Variants in CFDP1 observed in about 807,000 individuals in gnomAD.
CFDP1 encodes the protein heterochromatin-stabilizing protein CFDP1.
CFDP1 carries 31 observed loss-of-function variants against 40.1 expected under a neutral mutation model. The observed-to-expected ratio is 0.77, with a 90% CI of 0.58 to 1.04. The LOEUF is 1.04. Among genes scored for constraint, CFDP1 ranks in the 50% least tolerant of loss-of-function variants. The pLI, the probability that CFDP1 is intolerant of heterozygous loss-of-function variation, is 0.00. For missense variants in CFDP1, 423 were observed against 343.4 expected (o/e 1.23, Z -1.83); for synonymous variants, 167 against 120.0 (o/e 1.39, Z -2.56).
intron 5 of CFDP1, among the ~76,000 whole-genome samples, chr16:75,360,008 G>T (rs1196600879): frequency 2.0e-5 from 3 of 152,140 alleles, no homozygotes; most frequent in African/African-American, 7.2e-5. Flanking sequence ...GGGCTCAGAT[G>T]ATCCTCCTGC....
chr16:75,411,883 T>C lies in CFDP1; in HGVS notation c.472A>G (p.Lys158Glu). The change falls in exon 4 of 7, where the codon AAA becomes GAA. Residue 158 changes from lysine (K) to glutamate (E), a missense_variant. Coordinates refer to ENST00000283882, the MANE Select transcript of CFDP1 (RefSeq NM_006324.3). ...GTGATTTTAACTTTTTCTGTTTCTT[T>C]AGGTTTCTCTAGCTCTTCTGCTTTT... ...LVKAEELEKP[K>E]ETEKVKITKV... is the part of the protein sequence containing the mutation. 6.2e-7 allele frequency: 1 copy of C among 1,612,910 alleles called. No homozygotes were observed. Among genetic ancestry groups the C allele is most frequent in the Non-Finnish European group, 8.5e-7 (1 of 1,179,664 alleles).
chr16:75,343,435 AG>A (rs1369659935), intron 5 of CFDP1, among the ~76,000 whole-genome samples: 1 of 152,160 alleles, frequency 6.6e-6, no homozygotes. Flanking sequence ...ATTTTTTTCC[AG>A]CAAAAAAGGT....
At chr16:75,330,770 T>C (rs1397579491) in intron 5 of CFDP1, among the ~76,000 whole-genome samples, 2 of 152,178 alleles carry the variant, frequency 1.3e-5, no homozygotes, top group African/African-American at 4.8e-5. Flanking sequence ...GGTAATTCTG[T>C]ATGCTAAGTA....
At chr16:75,424,518 G>T (rs1189807220) in intron 1 of CFDP1, among the ~76,000 whole-genome samples, 1 of 152,210 alleles carries the variant, frequency 6.6e-6, no homozygotes, top group Admixed American at 6.5e-5. Flanking sequence ...CACTTTGGGA[G>T]GCTGAGGCGG....
At chr16:75,426,306 T>C (rs150580744) in intron 1 of CFDP1, among the ~76,000 whole-genome samples, 162 of 152,010 alleles carry the variant, frequency 1.1e-3, no homozygotes, top group African/African-American at 3.7e-3. Flanking sequence ...GCCAAGATCA[T>C]GACATTGCAC....
intron 1 of CFDP1, among the ~76,000 whole-genome samples, chr16:75,418,374 C>T (rs1462915757): frequency 1.4e-5 from 2 of 144,296 alleles, no homozygotes; most frequent in African/African-American, 2.6e-5. Context: ...GGCACGATCT[C>T]GGCTCACTGC....
chr16:75,369,135 A>G (rs573278997), intron 5 of CFDP1, among the ~76,000 whole-genome samples: 2 of 152,340 alleles, frequency 1.3e-5, no homozygotes, highest in South Asian at 2.1e-4. Context: ...GAGTTGCTCA[A>G]AAGTCCAAAG....
chr16:75,361,725 G>A (rs566104715), intron 5 of CFDP1, among the ~76,000 whole-genome samples: 5 of 152,242 alleles, frequency 3.3e-5, no homozygotes, highest in Admixed American at 2.0e-4. Context: ...CAATAGAACT[G>A]TCAAAAGGCA....
chr16:75,297,146 T>TGTGTGTGTG (rs1491503380), intron 6 of CFDP1, among the ~76,000 whole-genome samples: 7,329 of 132,794 alleles, frequency 0.055, 725 homozygotes, highest in Middle Eastern at 0.076. Context: ...TTCCCATTTC[T>TGTGTGTGTG]TGTGTGTGTG....
intron 5 of CFDP1, among the ~76,000 whole-genome samples, chr16:75,355,894 C>T (rs1028206866): frequency 8.5e-5 from 13 of 152,202 alleles, no homozygotes; most frequent in African/African-American, 3.1e-4. Context: ...TACCCAGTCT[C>T]GGCTATTTCT....
At chr16:75,401,074 TAG>T (rs1257635649) in intron 4 of CFDP1, among the ~76,000 whole-genome samples, 15 of 152,148 alleles carry the variant, frequency 9.9e-5, no homozygotes, top group African/African-American at 3.6e-4. Flanking sequence ...GGTGGGCAGA[TAG>T]TGAGGTCAGG....
At chr16:75,334,296 C>A (rs1020332034) in intron 5 of CFDP1, among the ~76,000 whole-genome samples, 1 of 151,774 alleles carries the variant, frequency 6.6e-6, no homozygotes, top group African/African-American at 2.4e-5. Context: ...TTAATCCCAA[C>A]AAAACCCTTT....
chr16:75,351,995 G>T, intron 5 of CFDP1, among the ~76,000 whole-genome samples: 1 of 118,288 alleles, frequency 8.5e-6, no homozygotes, highest in Non-Finnish European at 1.7e-5. Flanking sequence ...GCGACAGACT[G>T]AGACTCTGTC....
intron 4 of CFDP1, among the ~76,000 whole-genome samples, chr16:75,406,093 G>C (rs1444615464): frequency 6.6e-6 from 1 of 151,808 alleles, no homozygotes; most frequent in Non-Finnish European, 1.5e-5. Context: ...AAATAAAATA[G>C]GCCAGGTGCA....
At chr16:75,410,907 T>TC (rs1229114836) in intron 4 of CFDP1, among the ~76,000 whole-genome samples, 1 of 64,732 alleles carries the variant, frequency 1.5e-5, no homozygotes, top group Non-Finnish European at 2.9e-5. Flanking sequence ...AGACTCTGTC[T>TC]CAAAAAAAAA....
chr16:75,414,447 C>T (rs1394739645), intron 2 of CFDP1, 131 bp downstream of exon 2: 1 of 652,778 alleles, frequency 1.5e-6, no homozygotes, highest in Non-Finnish European at 2.8e-6. Context: ...AAAATAACAG[C>T]AAATGTTTCC....
chr16:75,415,106 T>C (rs2079192751), intron 1 of CFDP1, among the ~76,000 whole-genome samples: 1 of 152,238 alleles, frequency 6.6e-6, no homozygotes, highest in Non-Finnish European at 1.5e-5. Context: ...TACCTCATCT[T>C]GGGTATCTTT....
chr16:75,311,489 C>CA (rs1251925614), intron 5 of CFDP1, among the ~76,000 whole-genome samples: 1 of 152,116 alleles, frequency 6.6e-6, no homozygotes, highest in Non-Finnish European at 1.5e-5. Context: ...TGGACTTACC[C>CA]AAACACTTTT....
intron 1 of CFDP1, among the ~76,000 whole-genome samples, chr16:75,429,150 G>C (rs116205508): frequency 0.012 from 1,822 of 152,128 alleles, 42 homozygotes; most frequent in African/African-American, 0.041. Flanking sequence ...GGAACAAAGA[G>C]AATATTCTAC....
Sources: allele counts gnomAD v4.1 joint callset (sites outside exome capture counted in the v4.1 genomes callset), GRCh38; gene constraint gnomAD v4.1.1; transcripts MANE v1.5; gene names NCBI Gene and HGNC (gene_info 2026-07-23, HGNC 2026-07-21).